Variants in CCSER1 observed in about 807,000 individuals in gnomAD.
CCSER1 encodes coiled-coil serine rich protein 1.
Under a neutral mutation model 82.0 loss-of-function variants are expected in CCSER1, and 41 were observed. That is an observed-to-expected ratio of 0.50 (90% CI 0.39 to 0.65). The LOEUF (loss-of-function observed/expected upper bound fraction) is 0.65, where lower values mean the gene tolerates loss of function less well. Among genes scored for constraint, CCSER1 ranks in the 30% least tolerant of loss-of-function variants. CCSER1 has a pLI of 0.00. For synonymous variants in CCSER1, 414 were observed against 383.9 expected (o/e 1.08, Z -0.92); for missense variants, 1,119 against 1,064.2 (o/e 1.05, Z -0.72).
At chr4:90,291,240 G>T (rs1286041679) in intron 1 of CCSER1, among the ~76,000 whole-genome samples, 1 of 151,938 alleles carries the variant, frequency 6.6e-6, no homozygotes. Context: ...AAATGTTAGT[G>T]CAGCTACTAT....
At chr4:91,500,664 CCTTTT>C (rs752899390) in intron 10 of CCSER1, among the ~76,000 whole-genome samples, 73 of 152,012 alleles carry the variant, frequency 4.8e-4, no homozygotes, top group East Asian at 1.5e-3. Flanking sequence ...AACTATTTTG[CCTTTT>C]CTTTTGAGCA....
chr4:91,512,914 G>A (rs1257494026), intron 10 of CCSER1, among the ~76,000 whole-genome samples: 4 of 152,082 alleles, frequency 2.6e-5, no homozygotes, highest in African/African-American at 9.7e-5. Context: ...AATGAAGAGA[G>A]ACAGTTTGAC....
At chr4:90,401,205 T>G (rs907815950) in intron 4 of CCSER1, among the ~76,000 whole-genome samples, 4 of 152,174 alleles carry the variant, frequency 2.6e-5, no homozygotes, top group African/African-American at 9.7e-5. Flanking sequence ...ATGATAAAAA[T>G]TTCTTGGGAC....
chr4:91,467,759 C>G (rs113926290), intron 10 of CCSER1, among the ~76,000 whole-genome samples: 1,553 of 152,278 alleles, frequency 0.01, 11 homozygotes, highest in Middle Eastern at 0.02. Context: ...ACATGCTCAT[C>G]ATCACTGGCC....
At chr4:90,507,881 A>G (rs893276471) in intron 5 of CCSER1, among the ~76,000 whole-genome samples, 1 of 151,966 alleles carries the variant, frequency 6.6e-6, no homozygotes, top group African/African-American at 2.4e-5. Flanking sequence ...CAAACATTTG[A>G]CAACTCAGTG....
chr4:90,575,229 TA>T (rs1780606566), intron 5 of CCSER1, among the ~76,000 whole-genome samples: 1 of 152,220 alleles, frequency 6.6e-6, no homozygotes, highest in African/African-American at 2.4e-5. Context: ...TTATTTGACT[TA>T]AATTTCTGAA....
chr4:90,697,626 G>A (rs959201299), intron 6 of CCSER1, among the ~76,000 whole-genome samples: 3 of 152,058 alleles, frequency 2.0e-5, no homozygotes, highest in Non-Finnish European at 4.4e-5. Context: ...TAAACCTTTA[G>A]TGAGTCTTTC....
chr4:90,382,136 C>T (rs6854353), intron 3 of CCSER1, among the ~76,000 whole-genome samples: 103,198 of 151,956 alleles, frequency 0.68, 37,057 homozygotes, highest in African/African-American at 0.92. Context: ...ATAAATTCAT[C>T]TGAAAATCTT....
chr4:90,199,338 CT>C lies in CCSER1; in HGVS notation c.-42+71512del, dbSNP rs555900620. 3.5e-4 allele frequency among the ~76,000 whole-genome samples: 53 copies of C among 152,188 alleles called. 1 individual carries two copies. Among genetic ancestry groups the C allele is most frequent in the African/African-American group, 1.3e-3 (52 of 41,546 alleles). On this transcript the variant is annotated intron_variant, in intron 1 of 10. Coordinates refer to ENST00000509176, the MANE Select transcript of CCSER1 (RefSeq NM_001145065.2). Reference sequence around the variant, plus strand: ...ATAATGGGCCTCTACTTGTTATTTACTTTTTCTCTAAATGAAGAACATGTAC... The same window carrying C: ...ATAATGGGCCTCTACTTGTTATTTACTTTTCTCTAAATGAAGAACATGTAC...
intron 10 of CCSER1, among the ~76,000 whole-genome samples, chr4:91,444,934 C>G (rs1004597710): frequency 4.6e-5 from 7 of 152,198 alleles, no homozygotes; most frequent in African/African-American, 1.7e-4. Flanking sequence ...CCATTCACTT[C>G]AGTGTGCTGT....
chr4:90,323,320 G>A (rs1025565028), intron 3 of CCSER1, among the ~76,000 whole-genome samples: 1 of 152,218 alleles, frequency 6.6e-6, no homozygotes, highest in African/African-American at 2.4e-5. Flanking sequence ...ACTGGGATTT[G>A]CCCAAGGACT....
At chr4:91,441,858 G>T (rs909214236) in intron 10 of CCSER1, among the ~76,000 whole-genome samples, 4 of 9,816 alleles carry the variant, frequency 4.1e-4, no homozygotes, top group Admixed American at 1.5e-3. Flanking sequence ...TTATGAGTGA[G>T]CTCCCATTCA....
chr4:91,015,661 TTATAAA>T (rs1739367019), intron 9 of CCSER1, among the ~76,000 whole-genome samples: 1 of 151,908 alleles, frequency 6.6e-6, no homozygotes, highest in Admixed American at 6.6e-5. Context: ...CAGGTACCTA[TTATAAA>T]ATCTATAAAC....
chr4:91,491,809 A>G (rs1758558948), intron 10 of CCSER1, among the ~76,000 whole-genome samples: 1 of 152,086 alleles, frequency 6.6e-6, no homozygotes, highest in South Asian at 2.1e-4. Context: ...GGAAATGTTT[A>G]CAATGACAAT....
At chr4:90,777,354 C>CAAAAAA (rs60638334) in intron 7 of CCSER1, among the ~76,000 whole-genome samples, 2 of 58,520 alleles carry the variant, frequency 3.4e-5, no homozygotes, top group Admixed American at 2.3e-4. Flanking sequence ...GACTCCATCT[C>CAAAAAA]AAAAAAAAAA....
At chr4:90,433,869 G>GATATAT (rs138999636) in intron 4 of CCSER1, among the ~76,000 whole-genome samples, 22 of 147,828 alleles carry the variant, frequency 1.5e-4, no homozygotes, top group East Asian at 9.9e-4. Context: ...ATTTCCTGGA[G>GATATAT]ATATATATAT....
chr4:90,298,752 C>T (rs554811525), intron 1 of CCSER1, among the ~76,000 whole-genome samples: 1 of 152,154 alleles, frequency 6.6e-6, no homozygotes, highest in African/African-American at 2.4e-5. Context: ...TCGTTATGTA[C>T]CCAGTAGTCA....
chr4:90,494,225 T>C (rs1000624172), intron 5 of CCSER1, among the ~76,000 whole-genome samples: 19 of 152,186 alleles, frequency 1.2e-4, no homozygotes, highest in Non-Finnish European at 1.8e-4. Context: ...CTATCCTAAA[T>C]ATATATGCAC....
intron 10 of CCSER1, among the ~76,000 whole-genome samples, chr4:91,297,599 T>C (rs1271498113): frequency 1.3e-5 from 2 of 151,870 alleles, no homozygotes; most frequent in African/African-American, 4.8e-5. Context: ...GAAGACTGAA[T>C]GAAGTAGGGC....
Sources: allele counts gnomAD v4.1 joint callset (sites outside exome capture counted in the v4.1 genomes callset), GRCh38; gene constraint gnomAD v4.1.1; transcripts MANE v1.5; gene names NCBI Gene and HGNC (gene_info 2026-07-23, HGNC 2026-07-21).